The following ADAMTS13 variants were observed in gnomAD, a reference collection of about 807,000 sequenced individuals.
The protein encoded by ADAMTS13 is ADAM metallopeptidase with thrombospondin type 1 motif 13.
A neutral mutation model predicts 155.1 loss-of-function variants in ADAMTS13; 110 were observed. That is an observed-to-expected ratio of 0.71 (90% confidence interval 0.61 to 0.83). The LOEUF is 0.83. Among genes scored for constraint, ADAMTS13 ranks in the 40% least tolerant of loss-of-function variants. ADAMTS13 has a pLI of 0.00. For missense variants in ADAMTS13, 1,707 were observed against 1,891.7 expected, an observed-to-expected ratio of 0.90 and a Z score of 1.81; for synonymous variants, 758 against 756.4, an observed-to-expected ratio of 1.00 and a Z score of -0.03.
At chr9:133,417,555 T>G, upstream of ADAMTS13, 6 of 1,543,570 alleles carry the variant, frequency 3.9e-6, no homozygotes, top group South Asian at 6.7e-5. Flanking sequence ...CCCAAGTCTT[T>G]CCCTCCGTCG....
chr9:133,432,467 G>A lies in ADAMTS13; in HGVS notation c.988-121G>A, dbSNP rs587698526. 83 of 879,950 alleles carry A rather than the reference G, an allele frequency of 9.4e-5. No individual in the cohort carries two copies. In the African/African-American group the frequency reaches 1.1e-3, roughly 11 times the overall value. 54.5% of individuals were successfully genotyped at this position (879,950 alleles called of 1,614,324 possible). ...GTCCTCTGAGGGCACCAGTGCCCAC[G>A]GTGCAGAGTGTTGGCTGTGTCAGTG... On this transcript the variant is annotated intron_variant, in intron 8 of 28. Transcript: ENST00000355699.
rs781957737 is a variant in ADAMTS13 at position 133,443,506 on chromosome 9, G to A, written c.2365G>A (p.Ala789Thr). The A allele has an allele frequency of 1.4e-5, 22 of 1,582,478 alleles. No homozygotes were observed. Among genetic ancestry groups the A allele is most frequent in the Non-Finnish European group, 5.1e-6 (6 of 1,170,192 alleles). The change falls in exon 19 of 29, where the codon GCC becomes ACC. Residue 789 changes from alanine to threonine, a missense_variant. Around this residue, in one of 3 missense-constraint regions of ADAMTS13, gnomAD observed 961 missense variants for 1,107.9 expected, o/e 0.87. Transcript: ENST00000355699. The part of the protein sequence containing the change: ...TLPPARCRAG[A>T]QQPAVALETC... ...GCCCCCAGCCCGGTGCAGAGCAGGGGCCCAGCAGCCAGCTGTGGCGCTGGA... is the reference window on the plus strand; with the variant it reads ...GCCCCCAGCCCGGTGCAGAGCAGGGACCCAGCAGCCAGCTGTGGCGCTGGA...
Position 133,426,302 on chromosome 9 carries a change from G to A in ADAMTS13, c.643G>A (p.Gly215Ser), listed in dbSNP as rs782640617. The A allele has an allele frequency of 6.2e-7, 1 of 1,606,598 alleles. No individual in the cohort carries two copies. The highest frequency in any genetic ancestry group is 8.5e-7 in the Non-Finnish European group (1 of 1,180,006). ...GAGCTGCCTCATTACCGAGGACACT[G>A]GCTTCGACCTGGGAGTCACCATTGC... ...TWSCLITEDT[G>S]FDLGVTIAHE... The change falls in exon 6 of 29, where the codon GGC (glycine) becomes AGC (serine). Residue 215 changes from glycine (G) to serine (S), a missense_variant. Gly to Ser is a moderately conservative substitution (Grantham distance 56). Around this residue, in one of 3 missense-constraint regions of ADAMTS13, gnomAD observed 733 missense variants for 749.6 expected, o/e 0.98. Coordinates refer to ENST00000355699, the MANE Select transcript of ADAMTS13 (RefSeq NM_139027.6).
rs587604233 is a variant in ADAMTS13 at position 133,427,892 on chromosome 9, G to A, written c.687-742G>A. 5.9e-5 allele frequency among the ~76,000 whole-genome samples: 9 copies of A among 152,290 alleles called. No homozygotes were observed. The East Asian group carries it at 9.6e-4, about 16-fold the overall frequency. On this transcript the variant is annotated intron_variant, in intron 6 of 28. Transcript: ENST00000355699. ...AAAGGGCAGTAACTTCTAGGTTTTC[G>A]TCATGGAAAAGGGGCAGTAACTTCT...
chr9:133,427,504 T>C (rs1840361708), intron 6 of ADAMTS13, among the ~76,000 whole-genome samples: 1 of 152,120 alleles, frequency 6.6e-6, no homozygotes, highest in Non-Finnish European at 1.5e-5. Flanking sequence ...GCAGGGTTCC[T>C]GGGTGTGGGA....
intron 22 of ADAMTS13, 123 bp downstream of exon 22, chr9:133,448,851 G>A: frequency 2.1e-6 from 3 of 1,450,680 alleles, no homozygotes; most frequent in Non-Finnish European, 9.3e-7. Context: ...ACTGTGTGAG[G>A]CTGGACCATG....
In ADAMTS13 at chr9:133,422,414, G is replaced by C. The variant is rs924699167; in HGVS notation, c.-30G>C. 2 of 1,602,182 alleles carry C rather than the reference G, an allele frequency of 1.2e-6. No homozygotes were observed. Among genetic ancestry groups the C allele is most frequent in the Non-Finnish European group, 1.7e-6 (2 of 1,171,848 alleles). ...AGTCACCAAGGCCCCCTCTCACTCC[G>C]CTCCACTCCTCGGGCTGGCTCTCCT... On this transcript the variant is annotated 5_prime_UTR_variant, in exon 1 of 29. Transcript: ENST00000355699.
At position 133,454,400 on chromosome 9, in the gene ADAMTS13, C is replaced by T; in HGVS notation, c.3045-15C>T. 1 of 1,613,658 alleles carries T rather than the reference C, an allele frequency of 6.2e-7. No homozygotes were observed. The highest frequency in any genetic ancestry group is 8.5e-7 in the Non-Finnish European group (1 of 1,179,976). ...GGGAGACCTAGCCTCTCTCTGGGGTCTTCTCTTCCTGCAGGTGGAAAGTCA... is the reference window on the plus strand; with the variant it reads ...GGGAGACCTAGCCTCTCTCTGGGGTTTTCTCTTCCTGCAGGTGGAAAGTCA... On this transcript the variant is annotated splice_polypyrimidine_tract_variant and intron_variant, in intron 23 of 28. Transcript: ENST00000355699.
chr9:133,417,874 G>C (rs1839767669), upstream of ADAMTS13: 6 of 1,590,608 alleles, frequency 3.8e-6, no homozygotes, highest in Non-Finnish European at 5.1e-6. Context: ...TGGGCCGGCG[G>C]CCACCCGAGA....
In ADAMTS13 at chr9:133,440,651, G is replaced by C; in HGVS notation, c.1968+126G>C. 8.4e-7 allele frequency: 1 copy of C among 1,197,128 alleles called. No homozygotes were observed. Among genetic ancestry groups the C allele is most frequent in the Non-Finnish European group, 1.1e-6 (1 of 874,524 alleles). The allele number at this position is 1,197,128 out of a possible 1,614,324, so 74.2% of individuals were successfully genotyped here. ...ATTCATTCAGCGGTCACTTACAGGG[G>C]ACCCACTATGTGTTGGGCCCTGTGC... On this transcript the variant is annotated intron_variant, in intron 16 of 28. Transcript: ENST00000355699. This position sits in a 1 kb window ranked among gnomAD's most constrained non-coding sequence, Gnocchi z 4.3.
intron 8 of ADAMTS13, among the ~76,000 whole-genome samples, chr9:133,432,045 C>G (rs1018108254): frequency 2.0e-5 from 3 of 152,194 alleles, no homozygotes; most frequent in African/African-American, 7.2e-5. Flanking sequence ...AGGCGGATCA[C>G]CTGAGGTCGG....
In ADAMTS13 at chr9:133,429,961, T is replaced by C. The variant is rs1840618527; in HGVS notation, c.847T>C (p.Trp283Arg). Reference protein sequence around the residue: ...LLSAGRARCVWDPPRPQPGSA... With the variant: ...LLSAGRARCVRDPPRPQPGSA... ...CAGCGCAGGACGGGCGCGCTGCGTGTGGGACCCGCCGCGGCCTCAACCCGG... is the reference window on the plus strand; with the variant it reads ...CAGCGCAGGACGGGCGCGCTGCGTGCGGGACCCGCCGCGGCCTCAACCCGG... Residue 283 changes from tryptophan to arginine, a missense_variant, in exon 8 of 29, where the codon TGG (tryptophan) becomes CGG (arginine). This residue lies in a region of ADAMTS13 where 733 missense variants were observed against 749.6 expected (regional missense o/e 0.98). Coordinates refer to ENST00000355699, the MANE Select transcript of ADAMTS13 (RefSeq NM_139027.6). 1 of 1,538,916 alleles carries C rather than the reference T, an allele frequency of 6.5e-7. No homozygotes were observed. Among genetic ancestry groups the C allele is most frequent in the Non-Finnish European group, 8.7e-7 (1 of 1,147,090 alleles).
intron 11 of ADAMTS13, among the ~76,000 whole-genome samples, chr9:133,435,922 C>T (rs1841167862): frequency 6.6e-6 from 1 of 152,010 alleles, no homozygotes; most frequent in Non-Finnish European, 1.5e-5. Flanking sequence ...GTTCCAGTTT[C>T]CCCACATCCG....
rs1436728713 is a variant in ADAMTS13, at chr9:133,429,964, G to T, written c.850G>T (p.Asp284Tyr). The change falls in exon 8 of 29, where the codon GAC becomes TAC. Residue 284 changes from aspartate (D) to tyrosine (Y), a missense_variant. Transcript: ENST00000355699. ...CGCAGGACGGGCGCGCTGCGTGTGGGACCCGCCGCGGCCTCAACCCGGGTC... is the reference window on the plus strand; with the variant it reads ...CGCAGGACGGGCGCGCTGCGTGTGGTACCCGCCGCGGCCTCAACCCGGGTC... ...LSAGRARCVWDPPRPQPGSAG... is the reference protein window; with the variant it reads ...LSAGRARCVWYPPRPQPGSAG... 2.6e-5 allele frequency: 40 copies of T among 1,539,630 alleles called. No homozygotes were observed. The highest frequency in any genetic ancestry group is 3.1e-5 in the Non-Finnish European group (36 of 1,147,406).
chr9:133,447,764 AT>A (rs1052343260), intron 21 of ADAMTS13, among the ~76,000 whole-genome samples: 14 of 149,838 alleles, frequency 9.3e-5, no homozygotes, highest in African/African-American at 3.5e-4. Flanking sequence ...AATTTTTTGT[AT>A]TTTATTTTAT....
chr9:133,452,634 G>T (rs1554794649), intron 23 of ADAMTS13, among the ~76,000 whole-genome samples: 2 of 152,060 alleles, frequency 1.3e-5, no homozygotes, highest in African/African-American at 2.4e-5. Flanking sequence ...AGCCTACCAG[G>T]TAGCCCTGTT....
intron 1 of ADAMTS13, 59 bp downstream of exon 1, chr9:133,422,607 C>T: frequency 6.4e-7 from 1 of 1,564,608 alleles, no homozygotes; most frequent in South Asian, 1.1e-5. Flanking sequence ...GTATTCTGAG[C>T]TACCTGGGGC....
rs587697598 is a variant in ADAMTS13, at chr9:133,456,213, C to T, written c.3545C>T (p.Ala1182Val). Residue 1182 changes from alanine to valine, a missense_variant and splice_region_variant, in exon 26 of 29, where the codon GCG becomes GTG. By Grantham distance (64) the Ala-to-Val change is moderately conservative. Around this residue, in one of 3 missense-constraint regions of ADAMTS13, gnomAD observed 961 missense variants for 1,107.9 expected, o/e 0.87. Transcript: ENST00000355699. This position sits in a 1 kb window ranked among gnomAD's most constrained non-coding sequence, Gnocchi z 4.4. ...CTTGAGAGTTCTCTCAACTGCAGTG[C>T]GGGTATGTCTAGGGCCATGCAAGCG... Reference protein sequence around the residue: ...RVLESSLNCSAGDMLLLWGRL... With the variant: ...RVLESSLNCSVGDMLLLWGRL... 4.4e-5 allele frequency: 71 copies of T among 1,613,444 alleles called. No individual in the cohort carries two copies. The highest frequency in any genetic ancestry group is 2.3e-4 in the Admixed American group (14 of 60,028).
intron 16 of ADAMTS13, 133 bp from the exon 17 acceptor site, chr9:133,442,266 T>G (rs985333689): frequency 3.5e-6 from 5 of 1,416,384 alleles, no homozygotes; most frequent in Non-Finnish European, 5.0e-6. Flanking sequence ...CTACCGTGCC[T>G]GGCCAGTGAT....
Sources: gnomAD v4.1 joint callset for allele counts (sites outside exome capture counted in the v4.1 genomes callset) on GRCh38, gnomAD v4.1.1 for gene constraint, gnomAD v4.1.1 regional missense constraint, Gnocchi (gnomAD v3.1) non-coding constraint, MANE v1.5 for transcripts, NCBI Gene and HGNC (gene_info 2026-07-23, HGNC 2026-07-21) for gene names.